The following TMEM266 variants were observed in gnomAD, a reference collection of about 807,000 sequenced individuals.
TMEM266 encodes the protein transmembrane protein 266.
In TMEM266, 33 loss-of-function variants were observed where a neutral mutation model predicts 50.5. The observed-to-expected ratio is 0.65, with a 90% confidence interval of 0.50 to 0.87. TMEM266 has a LOEUF of 0.87. Ranked by LOEUF, TMEM266 falls within the 40% of genes least tolerant of loss-of-function variation. TMEM266 has a pLI of 0.00. For synonymous variants in TMEM266, 310 were observed against 292.3 expected (o/e 1.06, Z -0.62); for missense variants, 655 against 695.1 (o/e 0.94, Z 0.65).
intron 9 of TMEM266, among the ~76,000 whole-genome samples, chr15:76,199,144 CAA>C (rs2038701138): frequency 2.6e-5 from 4 of 152,286 alleles, no homozygotes; most frequent in Admixed American, 2.6e-4. Context: ...TGGTGGAAGT[CAA>C]AGTTGTTGGT....
chr15:76,137,991 GC>G, intron 3 of TMEM266, 96 bp downstream of exon 3: 1 of 1,273,914 alleles, frequency 7.8e-7, no homozygotes, highest in Non-Finnish European at 1.1e-6. Flanking sequence ...GGAGGCAGAG[GC>G]GGGCAGATCA....
Position 76,139,115 on chromosome 15 carries a change from A to T in TMEM266, c.227+1220A>T, listed in dbSNP as rs1352523834. On this transcript the variant is annotated intron_variant, in intron 3 of 10. Transcript: ENST00000388942. This position sits in a 1 kb window ranked among gnomAD's most constrained non-coding sequence, Gnocchi z 4.1. ...AACATGCTGGCTGCTTTGAATATAAAAATGAAGGGTTGTCAGGTATTTTAG... is the reference window on the plus strand; with the variant it reads ...AACATGCTGGCTGCTTTGAATATAATAATGAAGGGTTGTCAGGTATTTTAG... Among the ~76,000 whole-genome samples, 4 of 152,198 alleles carry T rather than the reference A, an allele frequency of 2.6e-5. No homozygotes were observed. In the South Asian group the frequency reaches 8.3e-4, roughly 32 times the overall value.
At chr15:76,096,749 T>G (rs2036926530) in intron 1 of TMEM266, among the ~76,000 whole-genome samples, 1 of 151,918 alleles carries the variant, frequency 6.6e-6, no homozygotes, top group Non-Finnish European at 1.5e-5. Flanking sequence ...CTAAGTCTCT[T>G]TATAGGTCTC....
At position 76,137,863 on chromosome 15, in the gene TMEM266, G is replaced by T; in HGVS notation, c.195G>T (p.Leu65=). The change falls in exon 3 of 11, where the codon CTG becomes CTT. Residue 65 remains leucine (L), a synonymous_variant. Coordinates refer to ENST00000388942, the MANE Select transcript of TMEM266 (RefSeq NM_152335.3). ...TCTCCACGGCGGGCTCGCAGCTCCT[G>T]TCAAATCTGGACGAAGATTACCAAA... 1 of 1,597,078 alleles carries T rather than the reference G, an allele frequency of 6.3e-7. No homozygotes were observed. The highest frequency in any genetic ancestry group is 8.5e-7 in the Non-Finnish European group (1 of 1,172,060).
intron 1 of TMEM266, among the ~76,000 whole-genome samples, chr15:76,090,082 C>T (rs1372140167): frequency 6.6e-6 from 1 of 152,126 alleles, no homozygotes; most frequent in Non-Finnish European, 1.5e-5. Context: ...TGCTTTATGT[C>T]ATCAGATAGT....
At chr15:76,177,211 A>C (rs1188262846) in intron 8 of TMEM266, among the ~76,000 whole-genome samples, 1 of 152,196 alleles carries the variant, frequency 6.6e-6, no homozygotes, top group African/African-American at 2.4e-5. Flanking sequence ...TCCCGCTGAA[A>C]TAGATGCCCC....
chr15:76,173,112 A>G (rs1172387931), intron 7 of TMEM266, among the ~76,000 whole-genome samples: 1 of 152,092 alleles, frequency 6.6e-6, no homozygotes, highest in East Asian at 1.9e-4. Context: ...TTCAGCAGAG[A>G]TTTGAGGAGG....
rs757679907 is a variant in TMEM266 at position 76,202,183 on chromosome 15, T to G, written c.959-19T>G. 1.9e-6 allele frequency: 3 copies of G among 1,607,912 alleles called. No individual in the cohort carries two copies. In the African/African-American group the frequency reaches 4.0e-5, roughly 21 times the overall value. ...AATGAACTTGATGCACTCACCCTTC[T>G]CTGTCCCCACCTCTGTAGAAGCCAC... On this transcript the variant is annotated intron_variant, in intron 9 of 10. Transcript: ENST00000388942.
chr15:76,156,556 G>C (rs769147635), intron 3 of TMEM266, 48 bp from the exon 4 acceptor site: 13 of 1,601,828 alleles, frequency 8.1e-6, no homozygotes, highest in Non-Finnish European at 9.4e-6. Context: ...CCACCCTCTT[G>C]TCCCCTCCCA....
intron 8 of TMEM266, among the ~76,000 whole-genome samples, chr15:76,183,523 G>A (rs2038451817): frequency 1.3e-5 from 2 of 152,162 alleles, no homozygotes; most frequent in South Asian, 4.1e-4. Flanking sequence ...TGAAAATGGT[G>A]ATATTGCTCT....
intron 1 of TMEM266, among the ~76,000 whole-genome samples, chr15:76,101,453 A>T (rs2036998071): frequency 6.6e-6 from 1 of 152,262 alleles, no homozygotes; most frequent in Admixed American, 6.5e-5. Flanking sequence ...ACTGTTATCC[A>T]GGCAGTGCCC....
intron 9 of TMEM266, among the ~76,000 whole-genome samples, chr15:76,200,812 G>A (rs1422305117): frequency 6.6e-6 from 1 of 152,186 alleles, no homozygotes; most frequent in Non-Finnish European, 1.5e-5. Flanking sequence ...AGCAGGGCCT[G>A]GAGCCAGCCC....
chr15:76,154,149 A>G (rs1483708713), intron 3 of TMEM266, among the ~76,000 whole-genome samples: 6 of 152,224 alleles, frequency 3.9e-5, no homozygotes, highest in Admixed American at 3.3e-4. Context: ...TTTACCAAAT[A>G]AGAATACACG....
intron 5 of TMEM266, among the ~76,000 whole-genome samples, chr15:76,163,759 C>T (rs1230779873): frequency 6.6e-6 from 1 of 152,154 alleles, no homozygotes; most frequent in Non-Finnish European, 1.5e-5. Flanking sequence ...TCTGGAAAGG[C>T]CCAGGCAGCC....
At chr15:76,203,210 C>T (rs1169736622) in intron 10 of TMEM266, among the ~76,000 whole-genome samples, 1 of 151,980 alleles carries the variant, frequency 6.6e-6, no homozygotes, top group Non-Finnish European at 1.5e-5. Flanking sequence ...AGTCATTCCT[C>T]AGACCATGGA....
At chr15:76,113,318 TAAAAA>T (rs1163545667) in intron 1 of TMEM266, 1 of 150,914 alleles carries the variant, frequency 6.6e-6, no homozygotes, top group Non-Finnish European at 1.5e-5. Context: ...GTCTCAAAAA[TAAAAA>T]ATAAAAGAAA....
chr15:76,071,732 C>A (rs1196510360), intron 1 of TMEM266, among the ~76,000 whole-genome samples: 1 of 152,116 alleles, frequency 6.6e-6, no homozygotes, highest in Non-Finnish European at 1.5e-5. Context: ...CACCCCAGAC[C>A]CCTCACTGAC....
At chr15:76,186,549 G>A (rs1433647511) in intron 8 of TMEM266, among the ~76,000 whole-genome samples, 1 of 152,180 alleles carries the variant, frequency 6.6e-6, no homozygotes, top group Non-Finnish European at 1.5e-5. Context: ...CCCTAAGCAG[G>A]TTGTCCTCTC....
At chr15:76,072,635 T>G (rs557728681) in intron 1 of TMEM266, among the ~76,000 whole-genome samples, 1 of 151,824 alleles carries the variant, frequency 6.6e-6, no homozygotes, top group African/African-American at 2.4e-5. Flanking sequence ...TTTCTCTACT[T>G]TTTTTTTCTT....
Sources: allele counts gnomAD v4.1 joint callset (sites outside exome capture counted in the v4.1 genomes callset), GRCh38; gene constraint gnomAD v4.1.1; non-coding constraint Gnocchi (gnomAD v3.1); transcripts MANE v1.5; gene names NCBI Gene and HGNC (gene_info 2026-07-23, HGNC 2026-07-21).